The following HEXD variants were observed in gnomAD, a reference collection of about 807,000 sequenced individuals.
HEXD encodes the protein hexosaminidase D.
Under a neutral mutation model 54.2 loss-of-function variants are expected in HEXD, and 47 were observed. That is an observed-to-expected ratio of 0.87 (90% CI 0.69 to 1.11). The LOEUF is 1.11. Ranked by LOEUF, HEXD falls within the 50% of genes least tolerant of loss-of-function variation. The pLI, the probability that HEXD is intolerant of heterozygous loss-of-function variation, is 0.00. For missense variants in HEXD, 576 were observed against 649.2 expected (o/e 0.89, Z 1.23); for synonymous variants, 293 against 287.6 (o/e 1.02, Z -0.19).
rs1006233657 is a variant in HEXD at position 82,439,577 on chromosome 17, C to T, written c.900-54C>T. ...GGGACGTCCGAAGTCAGGGCGCCTGCGTCAGGCTGCTGGGGGCGGGCTGCG... is the reference window on the plus strand; with the variant it reads ...GGGACGTCCGAAGTCAGGGCGCCTGTGTCAGGCTGCTGGGGGCGGGCTGCG... On this transcript the variant is annotated intron_variant, in intron 8 of 12. Transcript: ENST00000327949. 27 of 1,503,650 alleles carry T rather than the reference C, an allele frequency of 1.8e-5. No homozygotes were observed. The African/African-American group carries it at 2.6e-4, about 15-fold the overall frequency. 93.1% of individuals were successfully genotyped at this position (1,503,650 alleles called of 1,614,324 possible).
chr17:82,430,554 A>G (rs925295050), intron 4 of HEXD, among the ~76,000 whole-genome samples: 25 of 151,830 alleles, frequency 1.6e-4, no homozygotes, highest in African/African-American at 5.6e-4. Context: ...TGCCCGGCTA[A>G]CTTTTTATCT....
intron 12 of HEXD, 71 bp downstream of exon 12, chr17:82,441,960 C>T: frequency 6.7e-7 from 1 of 1,483,896 alleles, no homozygotes; most frequent in South Asian, 1.1e-5. Flanking sequence ...GCTGACATGT[C>T]CCTCAACTAG....
intron 3 of HEXD, chr17:82,425,812 A>G (rs942996320): frequency 7.3e-5 from 11 of 150,774 alleles, no homozygotes; most frequent in African/African-American, 2.7e-4. Context: ...TATGTGAAAT[A>G]CAAAAATTAG....
At position 82,441,283 on chromosome 17, in the gene HEXD, G is replaced by A. The variant is rs773601162; in HGVS notation, c.1163+17G>A. The A allele has an allele frequency of 1.2e-6, 2 of 1,601,350 alleles. No homozygotes were observed. Among genetic ancestry groups the A allele is most frequent in the Non-Finnish European group, 1.7e-6 (2 of 1,174,214 alleles). ...GGGCAACAGGTGAGCGTGTGGGTTA[G>A]GGGCAGGTGTGGGTGAGGGGGGCAG... is the stretch of plus-strand genomic sequence containing the variant. On this transcript the variant is annotated intron_variant, in intron 11 of 12. Transcript: ENST00000327949.
intron 4 of HEXD, among the ~76,000 whole-genome samples, chr17:82,431,744 G>C (rs536626790): frequency 6.6e-6 from 1 of 152,120 alleles, no homozygotes; most frequent in African/African-American, 2.4e-5. Flanking sequence ...TATATTCATA[G>C]TAGTTTTCTT....
At chr17:82,424,319 G>A (rs891690232) in intron 2 of HEXD, 75 bp from the exon 3 acceptor site, 13 of 903,670 alleles carry the variant, frequency 1.4e-5, no homozygotes, top group African/African-American at 8.2e-5. Flanking sequence ...AAGGGAAGGC[G>A]TCTCCCTGCT....
intron 4 of HEXD, 77 bp downstream of exon 4, chr17:82,428,722 AG>A (rs1304370603): frequency 2.7e-5 from 34 of 1,268,606 alleles, no homozygotes; most frequent in Non-Finnish European, 3.3e-5. Flanking sequence ...GCTTGTGCCC[AG>A]GGGTGGGTGC....
chr17:82,439,860 C>T (rs770622108), intron 9 of HEXD, 147 bp downstream of exon 9: 525 of 1,542,516 alleles, frequency 3.4e-4, no homozygotes, highest in Non-Finnish European at 4.3e-4. Flanking sequence ...CCCAGCTCAG[C>T]CACCCACCTG....
At chr17:82,432,898 C>T (rs1209109297) in intron 4 of HEXD, among the ~76,000 whole-genome samples, 5 of 146,894 alleles carry the variant, frequency 3.4e-5, no homozygotes, top group Non-Finnish European at 7.5e-5. Flanking sequence ...CCCGTCTCTA[C>T]TAAAACAAAA....
At chr17:82,435,244 G>A (rs1419952276) in intron 5 of HEXD, among the ~76,000 whole-genome samples, 1 of 152,152 alleles carries the variant, frequency 6.6e-6, no homozygotes, top group African/African-American at 2.4e-5. Flanking sequence ...CTGCCCCCAG[G>A]CCCCGGCGAC....
rs571061806 is a variant in HEXD at position 82,435,018 on chromosome 17, G to A, written c.448-671G>A. On this transcript the variant is annotated intron_variant, in intron 5 of 12. Transcript: ENST00000327949. ...AAATTAGCCAGGTGTGGTGGTGGGC[G>A]CCTGTAATCCCAGCTACTCAGGAGA... Among the ~76,000 whole-genome samples the A allele has an allele frequency of 2.2e-3, 333 of 151,968 alleles. 1 individual carries two copies. The highest frequency in any genetic ancestry group is 7.0e-3 in the African/African-American group (291 of 41,406).
chr17:82,428,758 G>C, intron 4 of HEXD, 113 bp downstream of exon 4: 1 of 854,416 alleles, frequency 1.2e-6, no homozygotes, highest in East Asian at 2.4e-5. Context: ...TGGGGTGCAG[G>C]CAGCGCAGCT....
At chr17:82,425,699 G>A (rs1403981135) in intron 3 of HEXD, 1 of 152,420 alleles carries the variant, frequency 6.6e-6, no homozygotes, top group African/African-American at 2.4e-5. Flanking sequence ...CAGGAGCAGT[G>A]GCTCACGCCT....
At chr17:82,433,128 A>ATATTTTTTTTTTTTT (rs71168109) in intron 4 of HEXD, among the ~76,000 whole-genome samples, 1 of 13,074 alleles carries the variant, frequency 7.6e-5, no homozygotes, top group Non-Finnish European at 1.2e-4. Context: ...ATATATATAT[A>ATATTTTTTTTTTTTT]TTTTTTTTTT....
In HEXD at chr17:82,441,870, A is replaced by T. The variant is rs1300221994; in HGVS notation, c.1234A>T (p.Ile412Phe). 5 of 1,613,316 alleles carry T rather than the reference A, an allele frequency of 3.1e-6. No homozygotes were observed. The highest frequency in any genetic ancestry group is 3.3e-4 in the Middle Eastern group (2 of 6,062). The change falls in exon 12 of 13, where the codon ATC becomes TTC. Residue 412 changes from isoleucine to phenylalanine, a missense_variant. Transcript: ENST00000327949. ...KLIHPVMVQH[I>F]QPAALSLLAQ... ...CATCCACCCGGTCATGGTTCAGCAC[A>T]TCCAGCCCGCAGCGCTCAGGTGAGG...
intron 2 of HEXD, among the ~76,000 whole-genome samples, chr17:82,422,560 A>C (rs1160150593): frequency 6.6e-6 from 1 of 152,144 alleles, no homozygotes; most frequent in Non-Finnish European, 1.5e-5. Flanking sequence ...TTGCCTGTGG[A>C]GCTCAGAAAT....
intron 12 of HEXD, 46 bp downstream of exon 12, chr17:82,441,935 AG>A (rs1308377933): frequency 6.4e-7 from 1 of 1,567,720 alleles, no homozygotes; most frequent in South Asian, 1.1e-5. Context: ...GGGTTCCCTG[AG>A]AACTGCTGCT....
intron 6 of HEXD, among the ~76,000 whole-genome samples, chr17:82,436,119 G>T (rs564611486): frequency 2.2e-4 from 33 of 152,370 alleles, no homozygotes; most frequent in African/African-American, 7.9e-4. Flanking sequence ...TCCAGCACTC[G>T]CAGCAGCCTC....
At position 82,428,016 on chromosome 17, in the gene HEXD, GT is replaced by G. The variant is rs200971259; in HGVS notation, c.195-540del. On this transcript the variant is annotated intron_variant, in intron 3 of 12. Transcript: ENST00000327949. The stretch of plus-strand genomic sequence containing the variant: ...TTATTTTTTTTTGAGACAGAGTCTT[GT>G]TCTGTCTCCCAGGCTGGAGTGCAGT... 42 of 152,434 alleles carry G rather than the reference GT, an allele frequency of 2.8e-4. No individual in the cohort carries two copies. In the East Asian group the frequency reaches 7.2e-3, roughly 26 times the overall value. The allele number at this position is 152,434 out of a possible 1,614,324, so 9.4% of individuals were successfully genotyped here.
Sources: allele counts gnomAD v4.1 joint callset (sites outside exome capture counted in the v4.1 genomes callset), GRCh38; gene constraint gnomAD v4.1.1; transcripts MANE v1.5; gene names NCBI Gene and HGNC (gene_info 2026-07-23, HGNC 2026-07-21).